DAB1: variants seen among roughly 807,000 people sequenced by gnomAD.
The protein encoded by DAB1 is disabled homolog 1.
DAB1 carries 15 observed loss-of-function variants against 64.6 expected under a neutral mutation model. The observed-to-expected ratio is 0.23, with a 90% CI of 0.16 to 0.36. The LOEUF is 0.36. Ranked by LOEUF, DAB1 falls within the 10% of genes least tolerant of loss-of-function variation. DAB1 has a pLI of 1.00. For synonymous variants in DAB1, 235 were observed against 251.9 expected, an observed-to-expected ratio of 0.93 and a Z score of 0.64; for missense variants, 596 against 706.7, an observed-to-expected ratio of 0.84 and a Z score of 1.78.
chr1:57,369,330 C>T (rs1288745464), intron 1 of DAB1, among the ~76,000 whole-genome samples: 1 of 152,160 alleles, frequency 6.6e-6, no homozygotes, highest in Non-Finnish European at 1.5e-5. Context: ...GGTTGATGCC[C>T]ACGTAGTATC....
At chr1:57,750,573 T>C (rs764384257) in intron 6 of DAB1, among the ~76,000 whole-genome samples, 3 of 152,174 alleles carry the variant, frequency 2.0e-5, no homozygotes, top group African/African-American at 7.2e-5. Flanking sequence ...AGTCCCTAGA[T>C]TGCATATTTA....
chr1:57,663,208 C>T (rs984843376), intron 6 of DAB1, among the ~76,000 whole-genome samples: 2 of 152,066 alleles, frequency 1.3e-5, no homozygotes, highest in Non-Finnish European at 2.9e-5. Context: ...GGGGAGGTGC[C>T]ACACACTTTC....
intron 7 of DAB1, among the ~76,000 whole-genome samples, chr1:57,447,129 T>C (rs1686170358): frequency 6.6e-6 from 1 of 152,174 alleles, no homozygotes; most frequent in Admixed American, 6.5e-5. Flanking sequence ...AGATAACAGA[T>C]AGGTTTTGCA....
chr1:57,173,233 AAG>A (rs748711123), intron 2 of DAB1, among the ~76,000 whole-genome samples: 10 of 152,138 alleles, frequency 6.6e-5, no homozygotes, highest in Non-Finnish European at 1.0e-4. Flanking sequence ...ATGCCAGAGA[AAG>A]AAGCAGATGA....
intron 6 of DAB1, among the ~76,000 whole-genome samples, chr1:57,728,381 C>T (rs1647270606): frequency 6.6e-6 from 1 of 152,106 alleles, no homozygotes; most frequent in Non-Finnish European, 1.5e-5. Context: ...ATCATGAGGT[C>T]AGGAGATCGA....
chr1:57,834,845 T>C (rs1040010972), intron 1 of DAB1, among the ~76,000 whole-genome samples: 13 of 152,156 alleles, frequency 8.5e-5, no homozygotes, highest in Admixed American at 7.9e-4. Context: ...GAGGCCAACC[T>C]TGTCCTCCTG....
intron 5 of DAB1, among the ~76,000 whole-genome samples, chr1:58,089,669 G>A (rs552118762): frequency 5.3e-5 from 8 of 152,308 alleles, no homozygotes; most frequent in East Asian, 1.9e-4. Flanking sequence ...CTTAATTTCC[G>A]AGGTGAATGA....
intron 7 of DAB1, among the ~76,000 whole-genome samples, chr1:57,570,891 T>G (rs1645186577): frequency 6.6e-6 from 1 of 152,182 alleles, no homozygotes; most frequent in South Asian, 2.1e-4. Flanking sequence ...GTTTTGTAGT[T>G]TTCTTTGTAG....
At chr1:57,352,861 C>A (rs1405946928) in intron 1 of DAB1, among the ~76,000 whole-genome samples, 1 of 151,976 alleles carries the variant, frequency 6.6e-6, no homozygotes, top group Non-Finnish European at 1.5e-5. Context: ...GGGTGAGCTT[C>A]CTCAAATAAG....
chr1:57,595,915 C>T (rs1279594078), intron 7 of DAB1, among the ~76,000 whole-genome samples: 1 of 152,188 alleles, frequency 6.6e-6, no homozygotes, highest in Non-Finnish European at 1.5e-5. Context: ...CAAGCAGATG[C>T]TGCTATGCTT....
intron 9 of DAB1, among the ~76,000 whole-genome samples, chr1:57,037,924 C>G (rs1021235770): frequency 2.0e-5 from 3 of 152,216 alleles, no homozygotes; most frequent in African/African-American, 7.2e-5. Context: ...AGTTCTCTAT[C>G]TGTGCTGTCC....
intron 5 of DAB1, among the ~76,000 whole-genome samples, chr1:58,109,351 G>A (rs1570362881): frequency 6.6e-6 from 1 of 152,330 alleles, no homozygotes; most frequent in East Asian, 1.9e-4. Context: ...ATCTTTGGGT[G>A]CAAGCAACAG....
intron 9 of DAB1, among the ~76,000 whole-genome samples, chr1:57,032,531 A>T (rs1052032074): frequency 6.6e-6 from 1 of 152,136 alleles, no homozygotes; most frequent in Non-Finnish European, 1.5e-5. Flanking sequence ...CTTCCTATGA[A>T]GTGGCTTCCT....
chr1:57,054,435 C>T (rs558819281), intron 9 of DAB1, among the ~76,000 whole-genome samples: 1 of 146,534 alleles, frequency 6.8e-6, no homozygotes, highest in South Asian at 2.2e-4. Flanking sequence ...TAATGGGACG[C>T]TTAGCAGACA....
chr1:58,076,458 G>A (rs1433575932), intron 5 of DAB1, among the ~76,000 whole-genome samples: 1 of 152,088 alleles, frequency 6.6e-6, no homozygotes, highest in Non-Finnish European at 1.5e-5. Context: ...CCTGCAGAGT[G>A]GAAATCCATG....
chr1:58,012,969 T>C (rs1162260556), intron 5 of DAB1, among the ~76,000 whole-genome samples: 1 of 152,158 alleles, frequency 6.6e-6, no homozygotes, highest in Non-Finnish European at 1.5e-5. Context: ...TCAATATAAC[T>C]TATGAGCCTC....
At chr1:57,410,738 C>T (rs1406463027) in intron 1 of DAB1, among the ~76,000 whole-genome samples, 2 of 152,216 alleles carry the variant, frequency 1.3e-5, no homozygotes, top group Admixed American at 1.3e-4. Context: ...CATGAACCCA[C>T]AGACAGCACA....
chr1:58,147,306 C>G (rs1446848791), intron 5 of DAB1, among the ~76,000 whole-genome samples: 1 of 41,698 alleles, frequency 2.4e-5, no homozygotes, highest in East Asian at 7.3e-4. Flanking sequence ...GACTCCGTCT[C>G]AAAAAAAAAA....
At chr1:57,275,336 A>G (rs1371869671) in intron 2 of DAB1, among the ~76,000 whole-genome samples, 2 of 152,204 alleles carry the variant, frequency 1.3e-5, no homozygotes, top group East Asian at 1.9e-4. Flanking sequence ...TGTTTAAATG[A>G]CATCTCCAGT....
Sources: gnomAD v4.1 joint callset for allele counts (sites outside exome capture counted in the v4.1 genomes callset) on GRCh38, gnomAD v4.1.1 for gene constraint, MANE v1.5 for transcripts, NCBI Gene and HGNC (gene_info 2026-07-23, HGNC 2026-07-21) for gene names.